SEMA3E: variants seen among roughly 807,000 people sequenced by gnomAD.
The protein encoded by SEMA3E is semaphorin 3E.
In SEMA3E, 49 loss-of-function variants were observed where a neutral mutation model predicts 93.6. That is an observed-to-expected ratio of 0.52 (90% CI 0.42 to 0.66). The LOEUF (loss-of-function observed/expected upper bound fraction) is 0.66, where lower values mean the gene tolerates loss of function less well. SEMA3E is among the 30% of genes least tolerant of loss of function. The pLI is 0.00. For synonymous variants in SEMA3E, 363 were observed against 330.7 expected, an observed-to-expected ratio of 1.10 and a Z score of -1.06; for missense variants, 906 against 964.8, an observed-to-expected ratio of 0.94 and a Z score of 0.81.
intron 3 of SEMA3E, among the ~76,000 whole-genome samples, chr7:83,468,750 A>C (rs1789830544): frequency 6.6e-6 from 1 of 152,170 alleles, no homozygotes; most frequent in African/African-American, 2.4e-5. Flanking sequence ...CCCAGCAGGG[A>C]AACTACAGAA....
intron 1 of SEMA3E, among the ~76,000 whole-genome samples, chr7:83,567,404 G>A (rs1020278965): frequency 6.6e-6 from 1 of 152,056 alleles, no homozygotes; most frequent in East Asian, 1.9e-4. Context: ...TTAACCAAAT[G>A]AACCAAACCG....
intron 1 of SEMA3E, among the ~76,000 whole-genome samples, chr7:83,494,177 A>G (rs1043753173): frequency 6.6e-6 from 1 of 151,864 alleles, no homozygotes; most frequent in African/African-American, 2.4e-5. Flanking sequence ...GTGGGTTGTA[A>G]TAAATTTAAC....
intron 13 of SEMA3E, among the ~76,000 whole-genome samples, chr7:83,393,483 T>C (rs977016923): frequency 2.4e-4 from 37 of 152,148 alleles, no homozygotes; most frequent in African/African-American, 8.4e-4. Flanking sequence ...GAGCTGTAAT[T>C]GCACCACTGA....
chr7:83,414,100 A>T (rs1312747025), intron 5 of SEMA3E, among the ~76,000 whole-genome samples: 1 of 152,186 alleles, frequency 6.6e-6, no homozygotes, highest in African/African-American at 2.4e-5. Flanking sequence ...AATTATAGAT[A>T]TTCTTTAGGG....
chr7:83,454,004 A>C (rs981350014), intron 4 of SEMA3E, among the ~76,000 whole-genome samples: 7 of 151,852 alleles, frequency 4.6e-5, no homozygotes, highest in African/African-American at 1.4e-4. Flanking sequence ...CAAGCCTGTA[A>C]TCCCAGCACT....
rs780475868 is a variant in SEMA3E, at chr7:83,466,563, A to G, written c.375T>C (p.Tyr125=). 1 of 1,613,990 alleles carries G rather than the reference A, an allele frequency of 6.2e-7. No homozygotes were observed. Among genetic ancestry groups the G allele is most frequent in the Non-Finnish European group, 8.5e-7 (1 of 1,179,976 alleles). The part of the protein sequence containing the change: ...CANYVRVLHH[Y]NRTHLLTCGT... ...CACAGGTCAGAAGGTGTGTCCTGTT[A>G]TAGTGATGCAAAACCCGAACATAAT... The change falls in exon 4 of 17, where the codon TAT becomes TAC. Residue 125 remains tyrosine (Y), a synonymous_variant. Transcript: ENST00000643230.
At chr7:83,511,564 C>G (rs1324787033) in intron 1 of SEMA3E, among the ~76,000 whole-genome samples, 3 of 152,012 alleles carry the variant, frequency 2.0e-5, no homozygotes, top group African/African-American at 7.2e-5. Context: ...AGTGAAGGTT[C>G]CCCTCTATTC....
At chr7:83,646,212 T>A (rs1204220736) in intron 1 of SEMA3E, among the ~76,000 whole-genome samples, 1 of 152,110 alleles carries the variant, frequency 6.6e-6, no homozygotes, top group African/African-American at 2.4e-5. Flanking sequence ...ACTGAACACT[T>A]GTCGTTACTG....
At position 83,394,011 on chromosome 7, in the gene SEMA3E, C is replaced by T. The variant is rs2723035; in HGVS notation, c.1500+286G>A. Among the ~76,000 whole-genome samples, 86,875 of 151,972 alleles carry T rather than the reference C, an allele frequency of 0.57. 28,527 individuals are homozygous for T. The highest frequency in any genetic ancestry group is 0.85 in the East Asian group (4,408 of 5,182). On this transcript the variant is annotated intron_variant, in intron 13 of 16. Transcript: ENST00000643230. ...ATGATAAACTTTTGTCAGAATCAAT[C>T]AATGGACATAAAGTTTCAGTCAAAC...
chr7:83,372,860 A>T (rs767880539), intron 16 of SEMA3E: 2 of 152,134 alleles, frequency 1.3e-5, no homozygotes, highest in Non-Finnish European at 2.9e-5. Context: ...CAAAAATATA[A>T]AATGACTTAG....
rs1554320729 is a variant in SEMA3E, at chr7:83,407,241, T to C, written c.671-2A>G. 1 of 1,611,892 alleles carries C rather than the reference T, an allele frequency of 6.2e-7. No homozygotes were observed. Among genetic ancestry groups the C allele is most frequent in the African/African-American group, 1.3e-5 (1 of 74,982 alleles). On this transcript the variant is annotated splice_acceptor_variant, in intron 6 of 16. Coordinates refer to ENST00000643230, the MANE Select transcript of SEMA3E (RefSeq NM_012431.3). LOFTEE classifies it high-confidence loss of function. Reference sequence around the variant, plus strand: ...TGTATGAACCTACAAATTTTGGTTCTATAGGAGCAAAAAATAGGAGAAAAA... The same window carrying C: ...TGTATGAACCTACAAATTTTGGTTCCATAGGAGCAAAAAATAGGAGAAAAA...
intron 1 of SEMA3E, among the ~76,000 whole-genome samples, chr7:83,565,259 C>A (rs1463637379): frequency 6.6e-6 from 1 of 152,148 alleles, no homozygotes; most frequent in African/African-American, 2.4e-5. Flanking sequence ...ACGGATGAAG[C>A]TAGAAGCCAT....
At chr7:83,376,767 T>C (rs368266477) in intron 16 of SEMA3E, among the ~76,000 whole-genome samples, 1 of 152,084 alleles carries the variant, frequency 6.6e-6, no homozygotes, top group African/African-American at 2.4e-5. Context: ...ATTTGTGCAT[T>C]ATGTAAGCAG....
chr7:83,451,981 C>T (rs1042558602), intron 4 of SEMA3E, among the ~76,000 whole-genome samples: 1 of 152,220 alleles, frequency 6.6e-6, no homozygotes, highest in African/African-American at 2.4e-5. Context: ...CACACTCGTT[C>T]TCCTTCTTCT....
At chr7:83,510,065 A>G (rs1044441297) in intron 1 of SEMA3E, among the ~76,000 whole-genome samples, 1 of 152,036 alleles carries the variant, frequency 6.6e-6, no homozygotes, top group Non-Finnish European at 1.5e-5. Flanking sequence ...TTACATCAAC[A>G]TATTAATAAT....
chr7:83,548,723 G>A (rs1276241281), intron 1 of SEMA3E, among the ~76,000 whole-genome samples: 6 of 152,074 alleles, frequency 3.9e-5, no homozygotes, highest in Admixed American at 1.3e-4. Flanking sequence ...CAGCCTTAGT[G>A]CCTAGCACAC....
chr7:83,577,428 A>G (rs972999604), intron 1 of SEMA3E, among the ~76,000 whole-genome samples: 5 of 152,216 alleles, frequency 3.3e-5, no homozygotes, highest in South Asian at 2.1e-4. Flanking sequence ...ATGCTACCAG[A>G]GGGCATAATG....
intron 1 of SEMA3E, among the ~76,000 whole-genome samples, chr7:83,622,724 A>G (rs1156329355): frequency 6.6e-6 from 1 of 152,178 alleles, no homozygotes; most frequent in Non-Finnish European, 1.5e-5. Context: ...GCAAACTAAC[A>G]CAGGAACAGA....
intron 5 of SEMA3E, among the ~76,000 whole-genome samples, chr7:83,410,835 G>A (rs1313643597): frequency 6.6e-6 from 1 of 152,016 alleles, no homozygotes. Context: ...AATTATTATA[G>A]TTGAGTTATG....
Sources: allele counts gnomAD v4.1 joint callset (sites outside exome capture counted in the v4.1 genomes callset), GRCh38; gene constraint gnomAD v4.1.1; transcripts MANE v1.5; gene names NCBI Gene and HGNC (gene_info 2026-07-23, HGNC 2026-07-21).